DROSHA: variants seen among roughly 807,000 people sequenced by gnomAD.
The protein encoded by DROSHA is ribonuclease 3.
Under a neutral mutation model 181.9 loss-of-function variants are expected in DROSHA, and 56 were observed. The ratio of observed to expected loss-of-function variants is 0.31; its 90% confidence interval spans 0.25 to 0.38. The LOEUF (loss-of-function observed/expected upper bound fraction) is 0.38. Ranked by LOEUF, DROSHA falls within the 10% of genes least tolerant of loss-of-function variation. The probability of loss-of-function intolerance (pLI) is 1.00; values close to 1 mark genes in which losing one functional copy is unlikely to be tolerated. For synonymous variants in DROSHA, 524 were observed against 591.2 expected, an observed-to-expected ratio of 0.89 and a Z score of 1.65; for missense variants, 1,218 against 1,743.5, an observed-to-expected ratio of 0.70 and a Z score of 5.37.
intron 6 of DROSHA, among the ~76,000 whole-genome samples, chr5:31,517,343 T>C (rs1040909534): frequency 6.6e-6 from 1 of 152,212 alleles, no homozygotes; most frequent in Non-Finnish European, 1.5e-5. Context: ...GAGATCTTTT[T>C]ATGCTTCCTG....
intron 16 of DROSHA, among the ~76,000 whole-genome samples, chr5:31,481,581 G>A (rs1003235196): frequency 2.6e-5 from 4 of 152,072 alleles, no homozygotes; most frequent in South Asian, 4.2e-4. Context: ...GAGAAGAAAC[G>A]GCATCTCAAT....
chr5:31,449,074 GCA>G (rs1486660648), intron 22 of DROSHA, among the ~76,000 whole-genome samples: 1 of 151,872 alleles, frequency 6.6e-6, no homozygotes, highest in Non-Finnish European at 1.5e-5. Flanking sequence ...GGCAAAGTTT[GCA>G]GTGAGCTGAG....
chr5:31,466,448 G>A (rs1749018063), intron 18 of DROSHA, 167 bp from the exon 19 acceptor site: 1 of 585,464 alleles, frequency 1.7e-6, no homozygotes, highest in East Asian at 3.1e-5. Context: ...TTGAGGCTGA[G>A]AGTCAGGATG....
At chr5:31,440,705 T>C (rs1745475413) in intron 23 of DROSHA, among the ~76,000 whole-genome samples, 1 of 152,208 alleles carries the variant, frequency 6.6e-6, no homozygotes, top group Non-Finnish European at 1.5e-5. Flanking sequence ...TCAGTGTCAA[T>C]ATGATGGCAC....
intron 11 of DROSHA, among the ~76,000 whole-genome samples, chr5:31,500,951 C>A (rs529024325): frequency 7.7e-4 from 118 of 152,330 alleles, no homozygotes; most frequent in African/African-American, 2.6e-3. Flanking sequence ...AACCAAGACA[C>A]TGAAGGCAGG....
chr5:31,423,089 C>T (rs1742964306), intron 28 of DROSHA, 145 bp from the exon 29 acceptor site: 1 of 718,182 alleles, frequency 1.4e-6, no homozygotes, highest in East Asian at 3.0e-5. Flanking sequence ...AAGCTCGTTT[C>T]TCATTTCTTT....
In DROSHA at chr5:31,529,112, A is replaced by C; in HGVS notation, c.-46-7T>G. ...TCCACAGAGAATATAAGCTCTAAAA[A>C]ACAGAAAGAATAAAACAGACATAAA... On this transcript the variant is annotated splice_region_variant and splice_polypyrimidine_tract_variant and intron_variant, in intron 3 of 35. Transcript: ENST00000344624. 6 of 1,600,842 alleles carry C rather than the reference A, an allele frequency of 3.7e-6. No individual in the cohort carries two copies. In the South Asian group the frequency reaches 6.8e-5, roughly 18 times the overall value.
At chr5:31,480,408 A>G (rs1750904093) in intron 16 of DROSHA, among the ~76,000 whole-genome samples, 1 of 151,924 alleles carries the variant, frequency 6.6e-6, no homozygotes, top group Non-Finnish European at 1.5e-5. Flanking sequence ...AAACTAATAC[A>G]TGGTGTTTCA....
chr5:31,465,957 A>G (rs1224395981), intron 19 of DROSHA, among the ~76,000 whole-genome samples: 1 of 152,206 alleles, frequency 6.6e-6, no homozygotes, highest in Admixed American at 6.5e-5. Context: ...GTATTCCTTT[A>G]GAGGAATGCA....
chr5:31,442,091 A>C (rs1745666119), intron 23 of DROSHA, among the ~76,000 whole-genome samples: 1 of 152,206 alleles, frequency 6.6e-6, no homozygotes, highest in South Asian at 2.1e-4. Flanking sequence ...TGGAGACAAA[A>C]ACTACATCTA....
intron 3 of DROSHA, 66 bp downstream of exon 3, chr5:31,530,732 T>C (rs78836120): frequency 0.023 from 8,999 of 394,408 alleles, 555 homozygotes; most frequent in African/African-American, 0.15. Flanking sequence ...AAGCCCTTCC[T>C]GATTCCCTTA....
In DROSHA at chr5:31,410,843, T is replaced by C. The variant is rs750285143; in HGVS notation, c.3570A>G (p.Val1190=). ...ACTCCTGCATGCCCAGCTCCTCCGC[T>C]ACCTTGGCCTGAGTTCTATTATTCA... ...SLVNNRTQAK[V]AEELGMQEYA... Residue 1190 remains valine, a synonymous_variant, in exon 31 of 36, where the codon GTA becomes GTG. Coordinates refer to ENST00000344624, the MANE Select transcript of DROSHA (RefSeq NM_001382508.1). 1.9e-5 allele frequency: 31 copies of C among 1,613,984 alleles called. No individual in the cohort carries two copies. The highest frequency in any genetic ancestry group is 2.6e-5 in the Non-Finnish European group (31 of 1,179,832).
intron 23 of DROSHA, among the ~76,000 whole-genome samples, chr5:31,441,466 C>G (rs1745590025): frequency 6.6e-6 from 1 of 152,132 alleles, no homozygotes; most frequent in Admixed American, 6.5e-5. Context: ...CAAATATATG[C>G]TAGACTTTAA....
Position 31,484,965 on chromosome 5 carries a change from G to A in DROSHA, c.1915-3C>T. On this transcript the variant is annotated splice_polypyrimidine_tract_variant and splice_region_variant and intron_variant, in intron 14 of 35. Coordinates refer to ENST00000344624, the MANE Select transcript of DROSHA (RefSeq NM_001382508.1). ...TCAAGCCCTTTCACACAAAAATTCT[G>A]AAAAATAAACCAAAATTAAATTACT... The A allele has an allele frequency of 6.5e-7, 1 of 1,536,866 alleles. No individual in the cohort carries two copies. Among genetic ancestry groups the A allele is most frequent in the Non-Finnish European group, 8.7e-7 (1 of 1,143,096 alleles).
rs748214927 is a variant in DROSHA, at chr5:31,511,106, C to G, written c.1361G>C (p.Ser454Thr). Residue 454 changes from serine to threonine, a missense_variant, in exon 9 of 36, where the codon AGC becomes ACC. Ser to Thr is a moderately conservative substitution (Grantham distance 58). This residue lies in a region of DROSHA where 460 missense variants were observed against 774.2 expected (regional missense o/e 0.59). Transcript: ENST00000344624. ...AGCAGCTTTGGCCTTTTCTTGCCTG[C>G]TCCCCAACTCCTCCTCAAATTTGTC... Reference protein sequence around the residue: ...LYDKFEEELGSRQEKAKAARP... With the variant: ...LYDKFEEELGTRQEKAKAARP... 5 of 1,613,788 alleles carry G rather than the reference C, an allele frequency of 3.1e-6. No homozygotes were observed. The African/African-American group carries it at 6.7e-5, about 22-fold the overall frequency.
intron 23 of DROSHA, among the ~76,000 whole-genome samples, chr5:31,443,980 G>C (rs983082507): frequency 3.3e-5 from 5 of 152,164 alleles, no homozygotes; most frequent in African/African-American, 1.2e-4. Context: ...GTCCAGTAAA[G>C]AAAAATAGCC....
rs1175601189 is a variant in DROSHA at position 31,529,046 on chromosome 5, T to C, written c.14A>G (p.Asn5Ser). Residue 5 changes from asparagine (N) to serine (S), a missense_variant, in exon 4 of 36, where the codon AAC becomes AGC. Asn to Ser is a conservative substitution (Grantham distance 46). Around this residue, in one of 8 missense-constraint regions of DROSHA, gnomAD observed 536 missense variants for 535.4 expected, o/e 1.00. Coordinates refer to ENST00000344624, the MANE Select transcript of DROSHA (RefSeq NM_001382508.1). Reference protein sequence around the residue: MMQGNTCHRMSFHPG... With the variant: MMQGSTCHRMSFHPG... ...TTCCCATCACGGCACTCACCATGTGTTTCCCTGCATCATGATGTTCCGCCT... is the reference window on the plus strand; with the variant it reads ...TTCCCATCACGGCACTCACCATGTGCTTCCCTGCATCATGATGTTCCGCCT... 1 of 1,613,326 alleles carries C rather than the reference T, an allele frequency of 6.2e-7. No homozygotes were observed. Among genetic ancestry groups the C allele is most frequent in the African/African-American group, 1.3e-5 (1 of 75,038 alleles).
chr5:31,488,413 C>CA (rs746732224), intron 13 of DROSHA, among the ~76,000 whole-genome samples: 10,929 of 63,604 alleles, frequency 0.17, 822 homozygotes, highest in East Asian at 0.29. Flanking sequence ...ACTCTATCAC[C>CA]AAAAAAAAAA....
At chr5:31,522,387 G>A (rs756188625) in intron 5 of DROSHA, among the ~76,000 whole-genome samples, 11 of 151,724 alleles carry the variant, frequency 7.3e-5, no homozygotes, top group Admixed American at 4.6e-4. Flanking sequence ...GTAATGGCAC[G>A]GCTGTTGAAA....
Sources: allele counts gnomAD v4.1 joint callset (sites outside exome capture counted in the v4.1 genomes callset), GRCh38; gene constraint gnomAD v4.1.1; regional missense constraint gnomAD v4.1.1; transcripts MANE v1.5; gene names NCBI Gene and HGNC (gene_info 2026-07-23, HGNC 2026-07-21).